LRRC28: variants seen among roughly 807,000 people sequenced by gnomAD.
LRRC28 encodes leucine-rich repeat-containing protein 28.
In LRRC28, 39 loss-of-function variants were observed where a neutral mutation model predicts 45.7. The observed-to-expected ratio is 0.85, with a 90% CI of 0.66 to 1.12. The LOEUF (loss-of-function observed/expected upper bound fraction) is 1.12, where lower values mean the gene tolerates loss of function less well. LRRC28 is among the 50% of genes most tolerant of loss of function. The pLI is 0.00. For synonymous variants in LRRC28, 206 were observed against 178.8 expected, an observed-to-expected ratio of 1.15 and a Z score of -1.22; for missense variants, 435 against 438.5, an observed-to-expected ratio of 0.99 and a Z score of 0.07.
At chr15:99,285,117 G>C (rs1250843502) in intron 3 of LRRC28, 1 of 711,486 alleles carries the variant, frequency 1.4e-6, no homozygotes, top group Non-Finnish European at 2.6e-6. Context: ...CGAAGTCATG[G>C]TCATCAAAGG....
chr15:99,357,952 C>G (rs990794680), intron 7 of LRRC28, among the ~76,000 whole-genome samples: 4 of 151,532 alleles, frequency 2.6e-5, no homozygotes, highest in African/African-American at 9.7e-5. Context: ...TGCCATCTGT[C>G]TAATGCAATA....
intron 5 of LRRC28, among the ~76,000 whole-genome samples, chr15:99,290,240 C>T (rs1049083040): frequency 6.8e-6 from 1 of 147,312 alleles, no homozygotes; most frequent in Non-Finnish European, 1.5e-5. Context: ...GCCTGGGTGA[C>T]AGAGTGAGAC....
chr15:99,379,508 T>G (rs1239768497), intron 9 of LRRC28, among the ~76,000 whole-genome samples: 1 of 152,176 alleles, frequency 6.6e-6, no homozygotes, highest in African/African-American at 2.4e-5. Flanking sequence ...GATTGATTGA[T>G]TTTTTGAAGG....
intron 2 of LRRC28, chr15:99,259,922 G>C: frequency 1.4e-6 from 1 of 699,256 alleles, no homozygotes; most frequent in East Asian, 2.5e-5. Context: ...GACAGCAGAA[G>C]ACAAAGAGCA....
chr15:99,284,734 G>A, intron 3 of LRRC28: 1 of 521,634 alleles, frequency 1.9e-6, no homozygotes, highest in East Asian at 5.2e-5. Flanking sequence ...CAGAGCTTCT[G>A]CCACCATTGT....
chr15:99,310,244 A>G (rs1361969055), intron 5 of LRRC28, among the ~76,000 whole-genome samples: 1 of 152,220 alleles, frequency 6.6e-6, no homozygotes, highest in Non-Finnish European at 1.5e-5. Context: ...TTCTAAAACA[A>G]CTATTTTTCA....
chr15:99,354,028 CTTTTG>C (rs1956969788), intron 7 of LRRC28: 1 of 152,030 alleles, frequency 6.6e-6, no homozygotes, highest in African/African-American at 2.4e-5. Context: ...TATTATTAAA[CTTTTG>C]TTATAGTAAT....
chr15:99,342,057 C>T (rs1199808728), intron 6 of LRRC28, among the ~76,000 whole-genome samples: 3 of 152,234 alleles, frequency 2.0e-5, no homozygotes, highest in Non-Finnish European at 2.9e-5. Flanking sequence ...ACTGGACAGT[C>T]AGCCTGTTTC....
At chr15:99,308,809 G>T (rs1335176633) in intron 5 of LRRC28, among the ~76,000 whole-genome samples, 1 of 152,226 alleles carries the variant, frequency 6.6e-6, no homozygotes, top group African/African-American at 2.4e-5. Context: ...TGGATCAGCA[G>T]TCTAAGCACA....
chr15:99,359,471 G>C (rs781434000), intron 7 of LRRC28, among the ~76,000 whole-genome samples: 1 of 152,174 alleles, frequency 6.6e-6, no homozygotes, highest in Non-Finnish European at 1.5e-5. Flanking sequence ...AACCAAGGAG[G>C]CATTTCCATT....
intron 6 of LRRC28, among the ~76,000 whole-genome samples, chr15:99,347,188 C>T (rs1387706769): frequency 6.6e-6 from 1 of 150,842 alleles, no homozygotes; most frequent in Non-Finnish European, 1.5e-5. Context: ...TTTCAATCTC[C>T]TTGTGTACGT....
chr15:99,302,389 TTG>T (rs1355829653), intron 5 of LRRC28, among the ~76,000 whole-genome samples: 1 of 151,516 alleles, frequency 6.6e-6, no homozygotes, highest in Non-Finnish European at 1.5e-5. Context: ...GTTTTTGTTT[TTG>T]TTTTTTTTGA....
At chr15:99,314,437 C>T (rs60353748) in intron 5 of LRRC28, among the ~76,000 whole-genome samples, 10 of 127,712 alleles carry the variant, frequency 7.8e-5, no homozygotes, top group Admixed American at 1.5e-4. Flanking sequence ...GACCTTGTCT[C>T]TAAATAAATA....
rs144844983 is a variant in LRRC28 at position 99,322,082 on chromosome 15, C to T, written c.386-11841C>T. Among the ~76,000 whole-genome samples the T allele has an allele frequency of 9.6e-3, 1,463 of 152,140 alleles. 14 individuals are homozygous for T. The highest frequency in any genetic ancestry group is 0.017 in the Middle Eastern group (5 of 294). On this transcript the variant is annotated intron_variant, in intron 5 of 9. Coordinates refer to ENST00000301981, the MANE Select transcript of LRRC28 (RefSeq NM_144598.5). Reference sequence around the variant, plus strand: ...GACCGAGGAATAGCAGATTCAAAGCCTCCAAGGGAAGAAATAACTTGACAC... The same window carrying T: ...GACCGAGGAATAGCAGATTCAAAGCTTCCAAGGGAAGAAATAACTTGACAC...
intron 6 of LRRC28, among the ~76,000 whole-genome samples, chr15:99,337,059 A>G (rs1045299175): frequency 1.3e-5 from 2 of 152,156 alleles, no homozygotes; most frequent in African/African-American, 4.8e-5. Context: ...GAACTCCTTA[A>G]GTCGAATGAC....
chr15:99,258,194 A>G (rs921848596), intron 2 of LRRC28: 1 of 1,612,114 alleles, frequency 6.2e-7, no homozygotes, highest in African/African-American at 1.3e-5. Context: ...TTCTGAATTG[A>G]TTGGCCAGTT....
chr15:99,252,639 A>G (rs2080871558), intron 1 of LRRC28, among the ~76,000 whole-genome samples: 1 of 152,232 alleles, frequency 6.6e-6, no homozygotes, highest in South Asian at 2.1e-4. Context: ...GCATGGTTGT[A>G]AAGATTAGAC....
chr15:99,324,327 G>A (rs1472989), intron 5 of LRRC28, among the ~76,000 whole-genome samples: 53,190 of 152,084 alleles, frequency 0.35, 9,445 homozygotes, highest in East Asian at 0.45. Flanking sequence ...TCAGACTGCA[G>A]TTGACTGTGG....
At chr15:99,265,096 G>C (rs2081297872) in intron 2 of LRRC28, among the ~76,000 whole-genome samples, 1 of 152,146 alleles carries the variant, frequency 6.6e-6, no homozygotes, top group Non-Finnish European at 1.5e-5. Context: ...AGTTTGGCTA[G>C]AGAAAGATAG....
Sources: allele counts gnomAD v4.1 joint callset (sites outside exome capture counted in the v4.1 genomes callset), GRCh38; gene constraint gnomAD v4.1.1; transcripts MANE v1.5; gene names NCBI Gene and HGNC (gene_info 2026-07-23, HGNC 2026-07-21).